ZBTB44: variants seen among roughly 807,000 people sequenced by gnomAD.
ZBTB44 encodes the protein zinc finger and BTB domain-containing protein 44.
A neutral mutation model predicts 54.0 loss-of-function variants in ZBTB44; 15 were observed. That is an observed-to-expected ratio of 0.28 (90% confidence interval 0.19 to 0.43). The LOEUF (loss-of-function observed/expected upper bound fraction) is 0.43, where lower values mean the gene tolerates loss of function less well. ZBTB44 is among the 20% of genes least tolerant of loss of function. The probability of loss-of-function intolerance (pLI) is 1.00; values close to 1 mark genes in which losing one functional copy is unlikely to be tolerated. For missense variants in ZBTB44, 487 were observed against 707.1 expected (o/e 0.69, Z 3.53); for synonymous variants, 230 against 250.1 (o/e 0.92, Z 0.76).
chr11:130,292,685 T>C (rs1232766677), intron 1 of ZBTB44, among the ~76,000 whole-genome samples: 1 of 152,208 alleles, frequency 6.6e-6, no homozygotes, highest in Non-Finnish European at 1.5e-5. Flanking sequence ...ATTAGTATTT[T>C]AAGAGTGTAA....
At position 130,261,167 on chromosome 11, in the gene ZBTB44, A is replaced by G. The variant is rs1228377174; in HGVS notation, c.707T>C (p.Ile236Thr). The part of the protein sequence containing the change: ...LAFPWTFPFG[I>T]DRRIQPEKVK... ...TTTCTCAGGCTGAATCCTTCGATCAATTCCAAAAGGAAAAGTCCAAGGAAA... is the reference window on the plus strand; with the variant it reads ...TTTCTCAGGCTGAATCCTTCGATCAGTTCCAAAAGGAAAAGTCCAAGGAAA... The change falls in exon 2 of 8, where the codon ATT becomes ACT. Residue 236 changes from isoleucine to threonine, a missense_variant. Transcript: ENST00000357899. The surrounding 1 kb of genome is among the most constrained non-coding windows in gnomAD (Gnocchi z 4.8). 2.5e-6 allele frequency: 4 copies of G among 1,614,004 alleles called. No individual in the cohort carries two copies. The East Asian group carries it at 6.7e-5, about 27-fold the overall frequency.
chr11:130,308,273 A>C (rs1368194998), intron 1 of ZBTB44, among the ~76,000 whole-genome samples: 1 of 152,214 alleles, frequency 6.6e-6, no homozygotes, highest in African/African-American at 2.4e-5. Flanking sequence ...CATTTCTCAG[A>C]ACATATCCCC....
chr11:130,269,474 G>C (rs1161210263), intron 1 of ZBTB44, among the ~76,000 whole-genome samples: 2 of 152,140 alleles, frequency 1.3e-5, no homozygotes, highest in African/African-American at 4.8e-5. Flanking sequence ...TTTGCAATTT[G>C]AACTATTCAG....
Position 130,240,195 on chromosome 11 carries a change from C to T in ZBTB44, c.1019-299G>A, listed in dbSNP as rs541366459. On this transcript the variant is annotated intron_variant, in intron 2 of 7. Transcript: ENST00000357899. ...TAGCTGGGACTACGGGCGCCCGACA[C>T]CACGCCCGGCTCATTTTTTGTATTT... 4.9e-3 allele frequency among the ~76,000 whole-genome samples: 742 copies of T among 152,196 alleles called. 6 individuals are homozygous for T. The highest frequency in any genetic ancestry group is 0.017 in the African/African-American group (722 of 41,544).
chr11:130,287,392 G>A (rs998135323), intron 1 of ZBTB44, among the ~76,000 whole-genome samples: 11 of 152,176 alleles, frequency 7.2e-5, no homozygotes, highest in Admixed American at 7.2e-4. Flanking sequence ...ATGGACTTGT[G>A]TGGTCATGTA....
intron 1 of ZBTB44, among the ~76,000 whole-genome samples, chr11:130,273,744 T>C (rs557226979): frequency 6.6e-6 from 1 of 152,240 alleles, no homozygotes; most frequent in South Asian, 2.1e-4. Flanking sequence ...TCCTTACGAT[T>C]TTCTATAAAC....
intron 1 of ZBTB44, among the ~76,000 whole-genome samples, chr11:130,297,218 T>C (rs557851493): frequency 6.6e-6 from 1 of 152,326 alleles, no homozygotes; most frequent in East Asian, 1.9e-4. Context: ...CAAGTCTCTT[T>C]TTATTTTTGG....
At chr11:130,237,145 C>T (rs1954139789) in intron 4 of ZBTB44, 52 bp from the exon 5 acceptor site, 1 of 1,411,548 alleles carries the variant, frequency 7.1e-7, no homozygotes, top group East Asian at 2.6e-5. Context: ...ACTGAAAAGT[C>T]ATAAACCCTA....
At chr11:130,273,810 T>C (rs191808608) in intron 1 of ZBTB44, among the ~76,000 whole-genome samples, 1 of 152,152 alleles carries the variant, frequency 6.6e-6, no homozygotes, top group Non-Finnish European at 1.5e-5. Context: ...GGCTCACATC[T>C]GTAATCCCAG....
At chr11:130,283,035 C>CTTTT (rs531030883) in intron 1 of ZBTB44, among the ~76,000 whole-genome samples, 59 of 102,414 alleles carry the variant, frequency 5.8e-4, no homozygotes, top group East Asian at 1.2e-3. Flanking sequence ...CCATTCTAAC[C>CTTTT]TTTTTTTTTT....
chr11:130,261,920 C>T lies in ZBTB44; in HGVS notation c.-47G>A. On this transcript the variant is annotated 5_prime_UTR_variant, in exon 2 of 8. Transcript: ENST00000357899. The surrounding 1 kb of genome is among the most constrained non-coding windows in gnomAD (Gnocchi z 4.8). ...ATGCTCTTCAAGGATGCAAATAAAT[C>T]AGAAATGTCCTAAAAAATACATAAA... 1 of 1,508,932 alleles carries T rather than the reference C, an allele frequency of 6.6e-7. No homozygotes were observed. Among genetic ancestry groups the T allele is most frequent in the Non-Finnish European group, 8.8e-7 (1 of 1,130,440 alleles). The allele number at this position is 1,508,932 out of a possible 1,614,324, so 93.5% of individuals were successfully genotyped here.
intron 2 of ZBTB44, among the ~76,000 whole-genome samples, chr11:130,257,254 A>G (rs1015300540): frequency 8.6e-5 from 13 of 151,840 alleles, no homozygotes; most frequent in East Asian, 1.9e-4. Context: ...AAAAAAAAAA[A>G]AAAAAGAAAA....
At chr11:130,293,986 G>A (rs1266730507) in intron 1 of ZBTB44, among the ~76,000 whole-genome samples, 1 of 152,120 alleles carries the variant, frequency 6.6e-6, no homozygotes, top group East Asian at 1.9e-4. Context: ...CTCCTTGTTA[G>A]TAGTCACCAA....
intron 4 of ZBTB44, 110 bp downstream of exon 4, chr11:130,238,334 C>A: frequency 7.6e-7 from 1 of 1,322,534 alleles, no homozygotes; most frequent in East Asian, 2.6e-5. Flanking sequence ...ATTTGACTTC[C>A]CAGAGTTTTT....
At chr11:130,313,105 T>C (rs1942720370) in intron 1 of ZBTB44, among the ~76,000 whole-genome samples, 1 of 152,152 alleles carries the variant, frequency 6.6e-6, no homozygotes, top group African/African-American at 2.4e-5. Flanking sequence ...AAAATTGTAC[T>C]TCTATTGAGA....
intron 1 of ZBTB44, among the ~76,000 whole-genome samples, chr11:130,268,895 G>C (rs1345028882): frequency 6.6e-6 from 1 of 151,068 alleles, no homozygotes; most frequent in African/African-American, 2.4e-5. Flanking sequence ...TTTTAAGAGA[G>C]AGAGAGAGAG....
At chr11:130,300,613 G>C (rs1031376337) in intron 1 of ZBTB44, among the ~76,000 whole-genome samples, 2 of 152,208 alleles carry the variant, frequency 1.3e-5, no homozygotes, top group African/African-American at 4.8e-5. Flanking sequence ...AACCAGCATA[G>C]TAGGAGTTAC....
intron 1 of ZBTB44, among the ~76,000 whole-genome samples, chr11:130,269,794 T>A (rs865818860): frequency 6.6e-6 from 1 of 152,212 alleles, no homozygotes; most frequent in Non-Finnish European, 1.5e-5. Context: ...TTCTGTTTTT[T>A]TTCTCATCTG....
intron 1 of ZBTB44, among the ~76,000 whole-genome samples, chr11:130,265,445 G>C (rs780376192): frequency 2.6e-5 from 4 of 152,026 alleles, no homozygotes; most frequent in Non-Finnish European, 5.9e-5. Flanking sequence ...GCCTGGTCTC[G>C]AACTCCTGAC....
Sources: gnomAD v4.1 joint callset for allele counts (sites outside exome capture counted in the v4.1 genomes callset) on GRCh38, gnomAD v4.1.1 for gene constraint, Gnocchi (gnomAD v3.1) non-coding constraint, MANE v1.5 for transcripts, NCBI Gene and HGNC (gene_info 2026-07-23, HGNC 2026-07-21) for gene names.